ROBO1: variants seen among roughly 807,000 people sequenced by gnomAD.
ROBO1 encodes the protein roundabout homolog 1.
ROBO1 carries 149 observed loss-of-function variants against 195.9 expected under a neutral mutation model. That is an observed-to-expected ratio of 0.76 (90% CI 0.67 to 0.87). ROBO1 has a LOEUF of 0.87. ROBO1 is among the 40% of genes least tolerant of loss of function. The pLI is 0.00. For synonymous variants in ROBO1, 816 were observed against 733.2 expected (o/e 1.11, Z -1.82); for missense variants, 1,933 against 2,068.3 (o/e 0.93, Z 1.27).
chr3:79,269,578 CATTT>C (rs1467069015), intron 2 of ROBO1, among the ~76,000 whole-genome samples: 6 of 151,636 alleles, frequency 4.0e-5, no homozygotes, highest in African/African-American at 1.2e-4. Context: ...GTTCCTCATA[CATTT>C]ATTAGGGCAG....
chr3:79,273,507 A>C (rs2030757376), intron 2 of ROBO1, among the ~76,000 whole-genome samples: 1 of 152,044 alleles, frequency 6.6e-6, no homozygotes, highest in Non-Finnish European at 1.5e-5. Context: ...CAAAAATCCT[A>C]TGACAGATAC....
chr3:79,074,985 C>A (rs2079148237), intron 3 of ROBO1, among the ~76,000 whole-genome samples: 1 of 151,802 alleles, frequency 6.6e-6, no homozygotes, highest in African/African-American at 2.4e-5. Flanking sequence ...TGTGAATTTT[C>A]TCCTTCAAGC....
chr3:78,832,074 T>G (rs947671062), intron 4 of ROBO1, among the ~76,000 whole-genome samples: 2 of 152,162 alleles, frequency 1.3e-5, no homozygotes, highest in Admixed American at 1.3e-4. Context: ...CACTTAGTAA[T>G]GCACACATGG....
chr3:79,624,003 T>C (rs1015036765), intron 1 of ROBO1, among the ~76,000 whole-genome samples: 3 of 152,138 alleles, frequency 2.0e-5, no homozygotes, highest in Non-Finnish European at 4.4e-5. Context: ...GAAGTCTCAA[T>C]GGAAATTCTA....
At chr3:78,756,725 A>G (rs2082942235) in intron 4 of ROBO1, among the ~76,000 whole-genome samples, 1 of 152,136 alleles carries the variant, frequency 6.6e-6, no homozygotes, top group African/African-American at 2.4e-5. Flanking sequence ...TCTAATATGC[A>G]AAACAAATAA....
At chr3:79,292,709 C>A (rs1362845283) in intron 2 of ROBO1, among the ~76,000 whole-genome samples, 1 of 152,184 alleles carries the variant, frequency 6.6e-6, no homozygotes, top group Non-Finnish European at 1.5e-5. Context: ...ACCAGCCTTG[C>A]ATCCCAAGGA....
intron 3 of ROBO1, among the ~76,000 whole-genome samples, chr3:78,975,024 G>A (rs2076854458): frequency 6.6e-6 from 1 of 152,058 alleles, no homozygotes; most frequent in Non-Finnish European, 1.5e-5. Flanking sequence ...GAGCCAGAAA[G>A]TTTAATTTGA....
chr3:78,866,829 G>A (rs1005203176), intron 4 of ROBO1, among the ~76,000 whole-genome samples: 6 of 152,124 alleles, frequency 3.9e-5, no homozygotes, highest in African/African-American at 1.4e-4. Flanking sequence ...GTAGGATAAT[G>A]GGAGAGAAAA....
chr3:79,485,635 T>C (rs1939119028), intron 2 of ROBO1, among the ~76,000 whole-genome samples: 1 of 152,142 alleles, frequency 6.6e-6, no homozygotes, highest in East Asian at 1.9e-4. Flanking sequence ...TTAAAATTAT[T>C]AACTCATTTA....
rs36105372 is a variant in ROBO1 at position 79,720,792 on chromosome 3, A to AT, written c.-51+46959dup. ...CACATACATAATTAAGGAGTTGCTA[A>AT]TTTTTTTTTTTTTTTTTTAAGATGG... is the stretch of plus-strand genomic sequence containing the variant. On this transcript the variant is annotated intron_variant, in intron 1 of 30. Transcript: ENST00000464233. Among the ~76,000 whole-genome samples the AT allele has an allele frequency of 8.0e-3, 1,149 of 142,990 alleles. 12 individuals carry two copies. Among genetic ancestry groups the AT allele is most frequent in the South Asian group, 0.026 (115 of 4,478 alleles). 93.8% of individuals were successfully genotyped at this position (142,990 alleles called of 152,430 possible).
intron 26 of ROBO1, among the ~76,000 whole-genome samples, chr3:78,624,437 C>A (rs953677456): frequency 2.6e-5 from 4 of 152,020 alleles, no homozygotes; most frequent in Non-Finnish European, 4.4e-5. Context: ...ATCCATAATA[C>A]CCTTACAGAT....
In ROBO1 at chr3:78,968,867, G is replaced by A. The variant is rs113347944; in HGVS notation, c.173-29940C>T. On this transcript the variant is annotated intron_variant, in intron 3 of 30. Coordinates refer to ENST00000464233, the MANE Select transcript of ROBO1 (RefSeq NM_002941.4). ...GGTTAAAAGATGAATTTTATAACAG[G>A]CACAAATAGGCACCAGTGTTTTCTG... Among the ~76,000 whole-genome samples, 97 of 152,196 alleles carry A rather than the reference G, an allele frequency of 6.4e-4. 1 individual carries two copies. The highest frequency in any genetic ancestry group is 2.2e-3 in the African/African-American group (92 of 41,518).
At chr3:79,720,836 A>T (rs920723203) in intron 1 of ROBO1, among the ~76,000 whole-genome samples, 2 of 147,330 alleles carry the variant, frequency 1.4e-5, no homozygotes, top group African/African-American at 5.0e-5. Flanking sequence ...GCTGTTGCCC[A>T]GGCTGGAGTG....
At chr3:79,070,312 A>C (rs560180918) in intron 3 of ROBO1, among the ~76,000 whole-genome samples, 6 of 152,004 alleles carry the variant, frequency 3.9e-5, no homozygotes, top group Admixed American at 1.3e-4. Context: ...CATTACAATT[A>C]ATTTCCTTGA....
At chr3:78,677,898 T>C (rs2107769830) in intron 10 of ROBO1, among the ~76,000 whole-genome samples, 1 of 151,644 alleles carries the variant, frequency 6.6e-6, no homozygotes, top group East Asian at 1.9e-4. Context: ...ACCACACCTA[T>C]TCCAAAATTG....
intron 3 of ROBO1, among the ~76,000 whole-genome samples, chr3:79,074,507 C>T (rs553329832): frequency 6.6e-6 from 1 of 151,846 alleles, no homozygotes; most frequent in South Asian, 2.1e-4. Context: ...TAGCCTTGAC[C>T]TCCTGGGCTT....
intron 2 of ROBO1, among the ~76,000 whole-genome samples, chr3:79,180,855 G>T (rs1049884032): frequency 2.0e-5 from 3 of 152,104 alleles, no homozygotes; most frequent in African/African-American, 7.2e-5. Flanking sequence ...GCAGTTGGAG[G>T]GGGTGGGAGT....
chr3:78,733,824 G>A (rs577917526), intron 5 of ROBO1, among the ~76,000 whole-genome samples: 1 of 152,204 alleles, frequency 6.6e-6, no homozygotes, highest in Non-Finnish European at 1.5e-5. Context: ...ATATATCAAA[G>A]TGCCTGGAAA....
intron 1 of ROBO1, among the ~76,000 whole-genome samples, chr3:79,595,573 G>C (rs766300583): frequency 1.7e-4 from 25 of 151,460 alleles, no homozygotes; most frequent in Non-Finnish European, 3.1e-4. Context: ...TCATTTCCAG[G>C]TAAAAAGAAA....
Sources: allele counts gnomAD v4.1 joint callset (sites outside exome capture counted in the v4.1 genomes callset), GRCh38; gene constraint gnomAD v4.1.1; transcripts MANE v1.5; gene names NCBI Gene and HGNC (gene_info 2026-07-23, HGNC 2026-07-21).